Variants in MSH3 observed in about 807,000 individuals in gnomAD.
MSH3 encodes the protein DNA mismatch repair protein Msh3.
A neutral mutation model predicts 123.3 loss-of-function variants in MSH3; 106 were observed. The observed-to-expected ratio is 0.86, with a 90% CI of 0.73 to 1.01. The LOEUF is 1.01. Ranked by LOEUF, MSH3 falls within the 50% of genes least tolerant of loss-of-function variation. MSH3 has a pLI of 0.00. For synonymous variants in MSH3, 515 were observed against 481.4 expected (o/e 1.07, Z -0.91); for missense variants, 1,459 against 1,347.6 (o/e 1.08, Z -1.29).
chr5:80,722,064 C>T (rs1751093254), intron 8 of MSH3, among the ~76,000 whole-genome samples: 2 of 152,094 alleles, frequency 1.3e-5, no homozygotes, highest in Admixed American at 6.5e-5. Flanking sequence ...TATAGATTTT[C>T]TGTCATAAAT....
At chr5:80,657,324 C>T (rs187385578) in intron 2 of MSH3, among the ~76,000 whole-genome samples, 61 of 152,186 alleles carry the variant, frequency 4.0e-4, no homozygotes, top group African/African-American at 1.2e-3. Context: ...GCCTGTAATC[C>T]CAGCTACTTG....
At chr5:80,797,929 C>T (rs1018315544) in intron 19 of MSH3, among the ~76,000 whole-genome samples, 1 of 152,074 alleles carries the variant, frequency 6.6e-6, no homozygotes, top group South Asian at 2.1e-4. Context: ...TCAACTCTCC[C>T]AGGATTGTTT....
In MSH3 at chr5:80,792,778, G is replaced by A. The variant is rs780827591; in HGVS notation, c.2589G>A (p.Arg863=). 3.1e-6 allele frequency: 5 copies of A among 1,613,316 alleles called. No individual in the cohort carries two copies. Among genetic ancestry groups the A allele is most frequent in the Non-Finnish European group, 4.2e-6 (5 of 1,179,584 alleles). ...EERKIVIKNG[R]HPVIDVLLGE... ...GAAAAATTGTAATAAAAAATGGAAG[G>A]CACCCTGTGATTGATGTGTTGCTGG... Residue 863 remains arginine (R), a synonymous_variant, in exon 19 of 24, where the codon AGG becomes AGA. Coordinates refer to ENST00000265081, the MANE Select transcript of MSH3 (RefSeq NM_002439.5).
chr5:80,770,363 G>T (rs1420471548), intron 15 of MSH3, among the ~76,000 whole-genome samples: 3 of 150,758 alleles, frequency 2.0e-5, no homozygotes, highest in African/African-American at 4.9e-5. Flanking sequence ...TACCTCTGTT[G>T]TAAGACTATT....
rs150208233 is a variant in MSH3, at chr5:80,794,729, A to G, written c.2655+1885A>G. 2.4e-4 allele frequency among the ~76,000 whole-genome samples: 37 copies of G among 152,342 alleles called. No homozygotes were observed. The East Asian group carries it at 6.6e-3, about 27-fold the overall frequency. On this transcript the variant is annotated intron_variant, in intron 19 of 23. Transcript: ENST00000265081. ...AAAAGTTGTCCATGTGAATGTTGAA[A>G]TCTAAGATAACAGCAAGATATGCCA... is the stretch of plus-strand genomic sequence containing the variant.
At chr5:80,867,473 T>C (rs1252152369) in intron 22 of MSH3, among the ~76,000 whole-genome samples, 1 of 152,150 alleles carries the variant, frequency 6.6e-6, no homozygotes, top group African/African-American at 2.4e-5. Flanking sequence ...CTTAAACCAC[T>C]CCTTAGCAGA....
intron 11 of MSH3, among the ~76,000 whole-genome samples, chr5:80,742,967 A>C (rs1401169529): frequency 6.6e-6 from 1 of 152,068 alleles, no homozygotes; most frequent in Non-Finnish European, 1.5e-5. Flanking sequence ...ACCCTTCAAA[A>C]TTCCTTCCTT....
At chr5:80,682,180 G>C (rs1362659706) in intron 8 of MSH3, among the ~76,000 whole-genome samples, 1 of 152,072 alleles carries the variant, frequency 6.6e-6, no homozygotes, top group Non-Finnish European at 1.5e-5. Flanking sequence ...AAGTTAGCAG[G>C]GGTCAAACAG....
In MSH3 at chr5:80,728,900, C is replaced by T. The variant is rs201057820; in HGVS notation, c.1503C>T (p.Cys501=). ...TTAACTTAGAGAAGCCTGTGATTTG[C>T]TCTTTGGCTGCCATCATAAAATACC... ...GIVNLEKPVI[C]SLAAIIKYLK... The change falls in exon 10 of 24, where the codon TGC becomes TGT. Residue 501 remains cysteine (C), a synonymous_variant. Coordinates refer to ENST00000265081, the MANE Select transcript of MSH3 (RefSeq NM_002439.5). 221 of 1,612,724 alleles carry T rather than the reference C, an allele frequency of 1.4e-4. No individual in the cohort carries two copies. The highest frequency in any genetic ancestry group is 1.8e-4 in the Non-Finnish European group (207 of 1,179,038).
At chr5:80,795,944 G>T (rs1456998934) in intron 19 of MSH3, among the ~76,000 whole-genome samples, 5 of 149,928 alleles carry the variant, frequency 3.3e-5, no homozygotes, top group Admixed American at 2.7e-4. Context: ...CCAGGAGGCC[G>T]CTGCACTCCA....
chr5:80,720,225 C>G (rs1180195294), intron 8 of MSH3, among the ~76,000 whole-genome samples: 3 of 152,024 alleles, frequency 2.0e-5, no homozygotes, highest in African/African-American at 4.8e-5. Flanking sequence ...AATAATTTTA[C>G]TAGATTACTT....
At chr5:80,667,271 A>G (rs1749593115) in intron 3 of MSH3, among the ~76,000 whole-genome samples, 1 of 152,264 alleles carries the variant, frequency 6.6e-6, no homozygotes. Flanking sequence ...CTTTTATACT[A>G]CATAGTATAT....
intron 17 of MSH3, among the ~76,000 whole-genome samples, chr5:80,784,127 T>A (rs1744457056): frequency 7.1e-6 from 1 of 141,636 alleles, no homozygotes; most frequent in Non-Finnish European, 1.5e-5. Context: ...GGAGAATCGC[T>A]GGAATCTGGG....
intron 8 of MSH3, among the ~76,000 whole-genome samples, chr5:80,702,918 A>G (rs2112839202): frequency 6.6e-6 from 1 of 152,326 alleles, no homozygotes; most frequent in Admixed American, 6.5e-5. Context: ...AGGCTGAGGC[A>G]GGAGAATCAC....
Position 80,787,676 on chromosome 5 carries a change from A to G in MSH3, c.2543+4A>G, listed in dbSNP as rs2112020426. The G allele has an allele frequency of 6.3e-7, 1 of 1,599,476 alleles. No individual in the cohort carries two copies. The highest frequency in any genetic ancestry group is 1.1e-5 in the South Asian group (1 of 90,792). On this transcript the variant is annotated splice_donor_region_variant and intron_variant, in intron 18 of 23. Transcript: ENST00000265081. ...CTAAGCAAGGAGATTACTGCAGGTA[A>G]GATATTTTTCATTTTCCTCTTTATC...
At chr5:80,826,200 A>G (rs1296379955) in intron 20 of MSH3, among the ~76,000 whole-genome samples, 1 of 152,252 alleles carries the variant, frequency 6.6e-6, no homozygotes, top group Non-Finnish European at 1.5e-5. Flanking sequence ...GTACACAAGA[A>G]TTAGCATTTT....
chr5:80,745,443 T>G (rs940375186), intron 12 of MSH3, among the ~76,000 whole-genome samples: 1 of 152,248 alleles, frequency 6.6e-6, no homozygotes, highest in Non-Finnish European at 1.5e-5. Context: ...CAAAATCACC[T>G]TCTGAGATAG....
At chr5:80,767,911 T>TA in intron 13 of MSH3, 22 bp from the exon 14 acceptor site, 3 of 1,545,636 alleles carry the variant, frequency 1.9e-6, no homozygotes, top group Admixed American at 3.3e-5. Context: ...TGCTATTTCA[T>TA]AAAAAATATT....
chr5:80,819,721 A>AAT (rs1745171318), intron 20 of MSH3, among the ~76,000 whole-genome samples: 2 of 152,096 alleles, frequency 1.3e-5, no homozygotes, highest in Non-Finnish European at 2.9e-5. Flanking sequence ...TCCTGACCTC[A>AAT]GGTGATCCGC....
Sources: allele counts gnomAD v4.1 joint callset (sites outside exome capture counted in the v4.1 genomes callset), GRCh38; gene constraint gnomAD v4.1.1; transcripts MANE v1.5; gene names NCBI Gene and HGNC (gene_info 2026-07-23, HGNC 2026-07-21).